The following MTO1 variants were observed in gnomAD, a reference collection of about 807,000 sequenced individuals.
MTO1 encodes mitochondrial tRNA translation optimization 1.
Under a neutral mutation model 71.6 loss-of-function variants are expected in MTO1, and 46 were observed. The observed-to-expected ratio is 0.64, with a 90% confidence interval of 0.51 to 0.82. The LOEUF (loss-of-function observed/expected upper bound fraction) is 0.82, where lower values mean the gene tolerates loss of function less well. Among genes scored for constraint, MTO1 ranks in the 40% least tolerant of loss-of-function variants. The pLI is 0.00. For missense variants in MTO1, 773 were observed against 867.5 expected (o/e 0.89, Z 1.37); for synonymous variants, 297 against 312.1 (o/e 0.95, Z 0.51).
chr6:73,486,720 A>G, intron 9 of MTO1: 1 of 287,264 alleles, frequency 3.5e-6, no homozygotes, highest in South Asian at 2.7e-5. Flanking sequence ...CCTGAGGGAC[A>G]AGAGTGAGAC....
chr6:73,482,697 C>T (rs1771540877), intron 9 of MTO1, 77 bp downstream of exon 9: 5 of 1,218,136 alleles, frequency 4.1e-6, no homozygotes, highest in Non-Finnish European at 5.7e-6. Flanking sequence ...AGAGACATTA[C>T]CTATGTGTTC....
chr6:73,466,324 T>C lies in MTO1; in HGVS notation c.333T>C (p.Tyr111=), dbSNP rs760325164. The C allele has an allele frequency of 2.5e-6, 4 of 1,614,182 alleles. No homozygotes were observed. Among genetic ancestry groups the C allele is most frequent in the Middle Eastern group, 1.6e-4 (1 of 6,062 alleles). The change falls in exon 2 of 12, where the codon TAT becomes TAC. Residue 111 remains tyrosine, a synonymous_variant. Coordinates refer to ENST00000498286, the MANE Select transcript of MTO1 (RefSeq NM_012123.4). ...TCTGTGACCAGTCTGGTGTACATTA[T>C]AAAGTATTAAACCGGCGTAAGGGAC... The part of the protein sequence containing the change: ...SRICDQSGVH[Y]KVLNRRKGPA...
chr6:73,482,151 G>A lies in MTO1; in HGVS notation c.1372G>A (p.Gly458Ser). ...CTTGATTGATGACCTCACTACTCTG[G>A]GCACCAGTGAACCATACCGCATGTT... The part of the protein sequence containing the change: ...GVLIDDLTTL[G>S]TSEPYRMFTS... The change falls in exon 8 of 12, where the codon GGC (glycine) becomes AGC (serine). Residue 458 changes from glycine (G) to serine (S), a missense_variant. Physicochemically the swap from Gly to Ser is moderately conservative, Grantham distance 56. Transcript: ENST00000498286. The A allele has an allele frequency of 6.2e-7, 1 of 1,614,100 alleles. No homozygotes were observed. The highest frequency in any genetic ancestry group is 8.5e-7 in the Non-Finnish European group (1 of 1,180,032).
chr6:73,466,390 C>A lies in MTO1; in HGVS notation c.399C>A (p.Leu133=). ...TGAGAGCTCAGATTGATAGGAAACT[C>A]TATAAACAGAACATGCAGGTAAGAA... ...WGLRAQIDRK[L]YKQNMQKEIL... is the part of the protein sequence containing the mutation. Residue 133 remains leucine, a synonymous_variant, in exon 2 of 12, where the codon CTC becomes CTA. Transcript: ENST00000498286. 1 of 1,614,120 alleles carries A rather than the reference C, an allele frequency of 6.2e-7. No individual in the cohort carries two copies. The highest frequency in any genetic ancestry group is 8.5e-7 in the Non-Finnish European group (1 of 1,180,024).
chr6:73,497,104 C>T (rs554731326), intron 10 of MTO1, among the ~76,000 whole-genome samples: 58 of 150,052 alleles, frequency 3.9e-4, no homozygotes, highest in Non-Finnish European at 3.5e-4. Flanking sequence ...AACCTCACAG[C>T]CTGTTGAGAA....
At chr6:73,462,177 A>G (rs757852262) in intron 1 of MTO1, 106 bp downstream of exon 1, 20 of 1,244,958 alleles carry the variant, frequency 1.6e-5, no homozygotes, top group Admixed American at 1.4e-4. Flanking sequence ...AAAGCTAGTG[A>G]GAATCCTACC....
rs761382414 is a variant in MTO1, at chr6:73,503,191, C to T, written c.*2456C>T. On this transcript the variant is annotated 3_prime_UTR_variant, in exon 12 of 12. Transcript: ENST00000498286. ...TGGTACAATCATAGCTCACTGCAGC[C>T]TTGATCTCCTGGGCTCAAGTGATCC... 2.6e-5 allele frequency: 4 copies of T among 152,214 alleles called. No individual in the cohort carries two copies. Among genetic ancestry groups the T allele is most frequent in the Non-Finnish European group, 5.9e-5 (4 of 68,078 alleles). The allele number at this position is 152,214 out of a possible 1,614,324, so 9.4% of individuals were successfully genotyped here. A position where few individuals can be genotyped will look rare whatever the true frequency, so the allele number is the denominator to read the frequency against.
Position 73,480,721 on chromosome 6 carries a change from T to C in MTO1, c.1176T>C (p.Pro392=). ...YDYLDPRQIT[P]SLETHLVQRL... ...ACTTAGATCCCCGTCAGATCACCCC[T>C]TCCTTGGAGACTCATTTGGTTCAAC... The change falls in exon 7 of 12, where the codon CCT becomes CCC. Residue 392 remains proline (P), a synonymous_variant. Coordinates refer to ENST00000498286, the MANE Select transcript of MTO1 (RefSeq NM_012123.4). 1.9e-6 allele frequency: 3 copies of C among 1,614,026 alleles called. No individual in the cohort carries two copies. The highest frequency in any genetic ancestry group is 2.5e-6 in the Non-Finnish European group (3 of 1,179,904).
At chr6:73,495,955 C>G (rs1183878415) in intron 10 of MTO1, among the ~76,000 whole-genome samples, 6 of 152,116 alleles carry the variant, frequency 3.9e-5, no homozygotes, top group Non-Finnish European at 8.8e-5. Flanking sequence ...GTGGTAATTG[C>G]CCAAGATCAC....
rs1170756556 is a variant in MTO1, at chr6:73,482,032, T to C, written c.1261-8T>C. ...AATGGCCTTTTAAACATTTCAGTGC[T>C]CTTGTAGGGTGTGATAGCCGGAATC... On this transcript the variant is annotated splice_region_variant and splice_polypyrimidine_tract_variant and intron_variant, in intron 7 of 11. Transcript: ENST00000498286. 6.2e-7 allele frequency: 1 copy of C among 1,614,112 alleles called. No individual in the cohort carries two copies. Among genetic ancestry groups the C allele is most frequent in the Non-Finnish European group, 8.5e-7 (1 of 1,180,000 alleles).
chr6:73,480,550 G>T (rs768427345), intron 6 of MTO1, 125 bp from the exon 7 acceptor site: 21 of 1,240,150 alleles, frequency 1.7e-5, no homozygotes, highest in Non-Finnish European at 2.4e-5. Flanking sequence ...GATTACAGGT[G>T]TGAGCCACTG....
At chr6:73,493,197 T>G (rs904040925) in intron 10 of MTO1, among the ~76,000 whole-genome samples, 2 of 151,852 alleles carry the variant, frequency 1.3e-5, no homozygotes, top group African/African-American at 4.8e-5. Context: ...GGTTTCACCA[T>G]GTTGGCCAGG....
At chr6:73,465,152 G>A (rs771436588) in intron 1 of MTO1, among the ~76,000 whole-genome samples, 15 of 151,424 alleles carry the variant, frequency 9.9e-5, no homozygotes, top group Non-Finnish European at 1.3e-4. Flanking sequence ...GGGCTTCTTT[G>A]TTTTTTCTTT....
At chr6:73,478,627 C>G (rs1028095651) in intron 4 of MTO1, among the ~76,000 whole-genome samples, 1 of 152,172 alleles carries the variant, frequency 6.6e-6, no homozygotes, top group African/African-American at 2.4e-5. Context: ...CAACCTCCAC[C>G]CCCTGGGTTC....
At chr6:73,496,760 A>G (rs911481574) in intron 10 of MTO1, among the ~76,000 whole-genome samples, 4 of 151,852 alleles carry the variant, frequency 2.6e-5, no homozygotes, top group Admixed American at 2.0e-4. Flanking sequence ...TTCTTAGAGA[A>G]GTAGCTTATC....
intron 3 of MTO1, among the ~76,000 whole-genome samples, chr6:73,467,032 G>A (rs1022672661): frequency 2.0e-5 from 3 of 152,026 alleles, no homozygotes; most frequent in Non-Finnish European, 4.4e-5. Context: ...TATTAAAAGG[G>A]TCTGGGCATG....
At chr6:73,492,434 A>G in intron 10 of MTO1, 82 bp downstream of exon 10, 1 of 950,580 alleles carries the variant, frequency 1.1e-6, no homozygotes. Flanking sequence ...TTACTGTTGG[A>G]CCAGCACAGT....
Position 73,500,554 on chromosome 6 carries a change from C to T in MTO1, c.1918-20C>T, listed in dbSNP as rs1227268741. 1.9e-6 allele frequency: 3 copies of T among 1,607,674 alleles called. 1 individual carries two copies. The highest frequency in any genetic ancestry group is 1.7e-5 in the Admixed American group (1 of 58,830). On this transcript the variant is annotated intron_variant, in intron 11 of 11. Coordinates refer to ENST00000498286, the MANE Select transcript of MTO1 (RefSeq NM_012123.4). ...ACATAGCATAGCTCACTTAGTTTCT[C>T]TTGTGGTATTGATTTTTAGATCGGG...
intron 11 of MTO1, among the ~76,000 whole-genome samples, chr6:73,499,092 T>C (rs1772081593): frequency 6.6e-6 from 1 of 151,950 alleles, no homozygotes; most frequent in Admixed American, 6.6e-5. Context: ...TTTTTTTTAG[T>C]AGTGTTTCAT....
Sources: gnomAD v4.1 joint callset for allele counts (sites outside exome capture counted in the v4.1 genomes callset) on GRCh38, gnomAD v4.1.1 for gene constraint, MANE v1.5 for transcripts, NCBI Gene and HGNC (gene_info 2026-07-23, HGNC 2026-07-21) for gene names.